The following TIAM1 variants were observed in gnomAD, a reference collection of about 807,000 sequenced individuals.
TIAM1 encodes the protein TIAM Rac1 associated GEF 1.
In TIAM1, 65 loss-of-function variants were observed where a neutral mutation model predicts 163.5. That is an observed-to-expected ratio of 0.40 (90% CI 0.33 to 0.49). TIAM1 has a LOEUF of 0.49. Among genes scored for constraint, TIAM1 ranks in the 20% least tolerant of loss-of-function variants. The pLI is 0.77. For missense variants in TIAM1, 1,789 were observed against 2,044.7 expected, an observed-to-expected ratio of 0.87 and a Z score of 2.41; for synonymous variants, 833 against 810.1, an observed-to-expected ratio of 1.03 and a Z score of -0.48.
At chr21:31,493,342 A>G (rs959273566) in intron 1 of TIAM1, among the ~76,000 whole-genome samples, 1 of 152,214 alleles carries the variant, frequency 6.6e-6, no homozygotes, top group East Asian at 1.9e-4. Flanking sequence ...CACACAATCA[A>G]TCAATGATAA....
At chr21:31,445,719 A>G (rs912000648) in intron 2 of TIAM1, among the ~76,000 whole-genome samples, 1 of 152,134 alleles carries the variant, frequency 6.6e-6, no homozygotes, top group Non-Finnish European at 1.5e-5. Context: ...TTTATTCAAG[A>G]CTATCAACCA....
In TIAM1 at chr21:31,210,576, AAGAAAGAAAGAAAGAAAG is replaced by A. The variant is rs1395765906; in HGVS notation, c.2218-379_2218-362del. ...AAAGAAAGAAAGAAAGAAAGAAAGA[AAGAAAGAAAGAAAGAAAG>A]AGAGAAAGAAGGAAGGAAGGGAGAA... On this transcript the variant is annotated intron_variant, in intron 10 of 27. Coordinates refer to ENST00000541036, the MANE Select transcript of TIAM1 (RefSeq NM_001353694.2). 9.2e-4 allele frequency among the ~76,000 whole-genome samples: 112 copies of A among 122,232 alleles called. 3 individuals carry two copies. The highest frequency in any genetic ancestry group is 3.8e-3 in the Middle Eastern group (1 of 264). 80.2% of individuals were successfully genotyped at this position (122,232 alleles called of 152,430 possible).
intron 2 of TIAM1, among the ~76,000 whole-genome samples, chr21:31,298,767 T>TGTGTGTGAGA (rs777256501): frequency 2.4e-5 from 3 of 125,858 alleles, no homozygotes; most frequent in East Asian, 2.4e-4. Context: ...TGTGTGTGTG[T>TGTGTGTGAGA]GAGAAACAGA....
chr21:31,171,932 G>A (rs1417354470), intron 15 of TIAM1, among the ~76,000 whole-genome samples: 1 of 152,136 alleles, frequency 6.6e-6, no homozygotes, highest in Non-Finnish European at 1.5e-5. Context: ...AAACCCTCCA[G>A]CCCCAGTCAG....
chr21:31,337,810 G>C (rs1260879040), intron 2 of TIAM1, among the ~76,000 whole-genome samples: 2 of 151,950 alleles, frequency 1.3e-5, no homozygotes, highest in Non-Finnish European at 2.9e-5. Flanking sequence ...GATTACGGGT[G>C]TGAGCCACCA....
intron 2 of TIAM1, among the ~76,000 whole-genome samples, chr21:31,356,450 A>C (rs920255066): frequency 1.3e-5 from 2 of 152,120 alleles, no homozygotes; most frequent in Non-Finnish European, 2.9e-5. Flanking sequence ...CTCAAAATTC[A>C]TATGTTGAAA....
At chr21:31,258,184 G>C (rs1487562570) in intron 4 of TIAM1, among the ~76,000 whole-genome samples, 2 of 151,936 alleles carry the variant, frequency 1.3e-5, no homozygotes, top group African/African-American at 4.8e-5. Context: ...CGAGCTCCAC[G>C]AGCTTGTGGA....
rs577368583 is a variant in TIAM1 at position 31,450,443 on chromosome 21, C to T, written c.-369+13540G>A. 2.6e-5 allele frequency among the ~76,000 whole-genome samples: 4 copies of T among 152,240 alleles called. No individual in the cohort carries two copies. In the South Asian group the frequency reaches 6.2e-4, roughly 24 times the overall value. ...GGGCACCCTGCCTCCCACCCAGATC[C>T]GAGATTCTTCAAGGCAGAACAGGTG... is the stretch of plus-strand genomic sequence containing the variant. On this transcript the variant is annotated intron_variant, in intron 2 of 28. Coordinates refer to the TIAM1 transcript ENST00000286827.
At chr21:31,460,902 T>C (rs1375414848) in intron 2 of TIAM1, among the ~76,000 whole-genome samples, 1 of 152,210 alleles carries the variant, frequency 6.6e-6, no homozygotes, top group Non-Finnish European at 1.5e-5. Flanking sequence ...AAATTTTCAA[T>C]CTATTTCATT....
intron 25 of TIAM1, among the ~76,000 whole-genome samples, chr21:31,127,617 C>A (rs2082257508): frequency 6.6e-6 from 1 of 152,070 alleles, no homozygotes; most frequent in Non-Finnish European, 1.5e-5. Context: ...AGGGTTTCAC[C>A]ATGTTGGTTA....
rs754867131 is a variant in TIAM1 at position 31,252,028 on chromosome 21, G to A, written c.1125C>T (p.Thr375=). 28 of 1,614,070 alleles carry A rather than the reference G, an allele frequency of 1.7e-5. No homozygotes were observed. In the South Asian group the frequency reaches 1.9e-4, roughly 11 times the overall value. ...FVGSDSGSSS[T]GDAARQGVYE... is the part of the protein sequence containing the mutation. ...ACACCCCCTGACGAGCCGCATCCCC[G>A]GTGGAGCTGCTGCCGCTGTCGCTGC... The change falls in exon 5 of 28, where the codon ACC becomes ACT. Residue 375 remains threonine (T), a synonymous_variant. Transcript: ENST00000541036.
intron 4 of TIAM1, among the ~76,000 whole-genome samples, chr21:31,253,353 C>T (rs2071920749): frequency 6.6e-6 from 1 of 152,222 alleles, no homozygotes; most frequent in Non-Finnish European, 1.5e-5. Context: ...CACGTAAAAA[C>T]TAACCAGATA....
At chr21:31,164,389 CAA>C (rs542696881) in intron 16 of TIAM1, among the ~76,000 whole-genome samples, 42 of 94,996 alleles carry the variant, frequency 4.4e-4, no homozygotes, top group African/African-American at 4.8e-4. Flanking sequence ...GACTCCATCT[CAA>C]AAAAAAAAAA....
intron 2 of TIAM1, among the ~76,000 whole-genome samples, chr21:31,357,204 C>T (rs1289258790): frequency 6.6e-6 from 1 of 152,118 alleles, no homozygotes; most frequent in African/African-American, 2.4e-5. Flanking sequence ...AATTCCTGAC[C>T]CCTAATGTCA....
intron 2 of TIAM1, among the ~76,000 whole-genome samples, chr21:31,387,303 A>G (rs1235466857): frequency 7.0e-6 from 1 of 143,714 alleles, no homozygotes; most frequent in Admixed American, 7.3e-5. Flanking sequence ...ATTCACTGCA[A>G]CCTCTGCCTC....
chr21:31,297,603 C>T (rs903148545), intron 2 of TIAM1, among the ~76,000 whole-genome samples: 4 of 152,156 alleles, frequency 2.6e-5, no homozygotes, highest in African/African-American at 9.7e-5. Flanking sequence ...AGGCTGGTTT[C>T]GAACTCCCGA....
chr21:31,295,275 C>G (rs1025615980), intron 2 of TIAM1, among the ~76,000 whole-genome samples: 1 of 152,088 alleles, frequency 6.6e-6, no homozygotes, highest in Non-Finnish European at 1.5e-5. Flanking sequence ...TCGAGACCAT[C>G]CCGGCTAACA....
At chr21:31,539,520 C>T (rs902186815) in intron 1 of TIAM1, among the ~76,000 whole-genome samples, 4 of 151,996 alleles carry the variant, frequency 2.6e-5, no homozygotes, top group African/African-American at 4.8e-5. Flanking sequence ...CCGTCTCAGC[C>T]GCCCAAAGTG....
intron 2 of TIAM1, among the ~76,000 whole-genome samples, chr21:31,333,585 G>A (rs1169150921): frequency 6.6e-6 from 1 of 152,050 alleles, no homozygotes; most frequent in African/African-American, 2.4e-5. Context: ...CCACAGACAT[G>A]CACCACCACA....
Sources: allele counts gnomAD v4.1 joint callset (sites outside exome capture counted in the v4.1 genomes callset), GRCh38; gene constraint gnomAD v4.1.1; transcripts MANE v1.5; gene names NCBI Gene and HGNC (gene_info 2026-07-23, HGNC 2026-07-21).